PCDHB12: variants seen among roughly 807,000 people sequenced by gnomAD.
PCDHB12 encodes the protein protocadherin beta 12.
For synonymous variants in PCDHB12, 560 were observed against 445.2 expected (o/e 1.26, Z -3.24); for missense variants, 1,192 against 998.2 (o/e 1.19, Z -2.62).
Position 141,209,722 on chromosome 5 carries a change from GAACA to G in PCDHB12, c.820_823del (p.Asn274ValfsTer29), listed in dbSNP as rs782467101. On this transcript the variant is annotated frameshift_variant, in exon 1 of 1. Transcript: ENST00000239450. LOFTEE classifies it low-confidence loss of function (END_TRUNC). ...GTCTCAGCCTGGGATTTAGACTCTG[GAACA>G]AACAGTGAACTATCCTATACCTTTT... 15 of 1,614,042 alleles carry G rather than the reference GAACA, an allele frequency of 9.3e-6. No individual in the cohort carries two copies. In the East Asian group the frequency reaches 2.5e-4, roughly 26 times the overall value.
At position 141,211,079 on chromosome 5, in the gene PCDHB12, C is replaced by G; in HGVS notation, c.2172C>G (p.Arg724=). 6.2e-7 allele frequency: 1 copy of G among 1,613,738 alleles called. No homozygotes were observed. The highest frequency in any genetic ancestry group is 2.2e-5 in the East Asian group (1 of 44,870). The change falls in exon 1 of 1, where the codon CGC becomes CGG. Residue 724 remains arginine, a synonymous_variant. Transcript: ENST00000239450. ...CRRSRAAPVG[R]CSVPEGPFPG... ...GGAGCAGGGCGGCCCCGGTCGGTCG[C>G]TGCTCGGTGCCTGAGGGCCCCTTTC...
In PCDHB12 at chr5:141,209,274, G is replaced by C. The variant is rs1247115060; in HGVS notation, c.367G>C (p.Val123Leu). The C allele has an allele frequency of 4.3e-6, 7 of 1,614,048 alleles. No individual in the cohort carries two copies. Among genetic ancestry groups the C allele is most frequent in the Non-Finnish European group, 5.9e-6 (7 of 1,180,052 alleles). ...GCAGTTTTTACAAATTGAGCTCCAG[G>C]TCAGGGATATAAATGATCACTCTCC... is the stretch of plus-strand genomic sequence containing the variant. ...PTQFLQIELQ[V>L]RDINDHSPVF... is the part of the protein sequence containing the mutation. The change falls in exon 1 of 1, where the codon GTC (valine) becomes CTC (leucine). Residue 123 changes from valine (V) to leucine (L), a missense_variant. Val to Leu is a conservative substitution (Grantham distance 32, BLOSUM62 1). Coordinates refer to ENST00000239450, the MANE Select transcript of PCDHB12 (RefSeq NM_018932.4).
At position 141,210,845 on chromosome 5, in the gene PCDHB12, C is replaced by A; in HGVS notation, c.1938C>A (p.Asp646Glu). 6.2e-7 allele frequency: 1 copy of A among 1,602,462 alleles called. No individual in the cohort carries two copies. The highest frequency in any genetic ancestry group is 8.5e-7 in the Non-Finnish European group (1 of 1,179,080). The part of the protein sequence containing the change: ...AKHRLVVLVK[D>E]NGEPPRSATA... ...ACAGGCTGGTGGTGCTGGTCAAGGA[C>A]AATGGCGAGCCTCCGCGCTCGGCCA... Residue 646 changes from aspartate to glutamate, a missense_variant, in exon 1 of 1, where the codon GAC becomes GAA. Coordinates refer to ENST00000239450, the MANE Select transcript of PCDHB12 (RefSeq NM_018932.4).
In PCDHB12 at chr5:141,210,316, T is replaced by G; in HGVS notation, c.1409T>G (p.Ile470Ser). The G allele has an allele frequency of 3.1e-6, 5 of 1,613,264 alleles. No individual in the cohort carries two copies. The highest frequency in any genetic ancestry group is 4.2e-6 in the Non-Finnish European group (5 of 1,180,004). Residue 470 changes from isoleucine (I) to serine (S), a missense_variant, in exon 1 of 1, where the codon ATC (isoleucine) becomes AGC (serine). Physicochemically the swap from Ile to Ser is moderately radical, Grantham distance 142 (BLOSUM62 -2). Coordinates refer to ENST00000239450, the MANE Select transcript of PCDHB12 (RefSeq NM_018932.4). ...GAGAACAACAGCCCCGCCCTGCACA[T>G]CGGCAGCATCAGCGCCACAGACAGA... ...VRENNSPALH[I>S]GSISATDRDS...
chr5:141,209,677 T>C lies in PCDHB12; in HGVS notation c.770T>C (p.Leu257Pro). 1.2e-6 allele frequency: 2 copies of C among 1,614,222 alleles called. No individual in the cohort carries two copies. The highest frequency in any genetic ancestry group is 1.7e-6 in the Non-Finnish European group (2 of 1,180,046). ...GTGAAGATTCTGGAGAATAGCATCC[T>C]TGGCTCCCTGGTTGTGACCGTCTCA... is the stretch of plus-strand genomic sequence containing the variant. ...YEVKILENSI[L>P]GSLVVTVSAW... is the part of the protein sequence containing the mutation. Residue 257 changes from leucine to proline, a missense_variant, in exon 1 of 1, where the codon CTT (leucine) becomes CCT (proline). Transcript: ENST00000239450.
At position 141,211,035 on chromosome 5, in the gene PCDHB12, G is replaced by A. The variant is rs373977049; in HGVS notation, c.2128G>A (p.Ala710Thr). ...CCTCTTCTCGGTGCTCCTGTTCGTG[G>A]CGGTGCGGCTGTGCAGGAGGAGCAG... ...LFLFSVLLFVAVRLCRRSRAA... is the reference protein window; with the variant it reads ...LFLFSVLLFVTVRLCRRSRAA... The change falls in exon 1 of 1, where the codon GCG becomes ACG. Residue 710 changes from alanine (A) to threonine (T), a missense_variant. Physicochemically the swap from Ala to Thr is moderately conservative, Grantham distance 58. Transcript: ENST00000239450. The A allele has an allele frequency of 8.1e-6, 13 of 1,612,428 alleles. No homozygotes were observed. In the African/African-American group the frequency reaches 1.3e-4, roughly 17 times the overall value.
At position 141,210,377 on chromosome 5, in the gene PCDHB12, G is replaced by A. The variant is rs2149679008; in HGVS notation, c.1470G>A (p.Leu490=). The stretch of plus-strand genomic sequence containing the variant: ...CCAACGCCCAGGTCAACTACTCGCT[G>A]CTGCCGTCCCAGGACCCGCACCTGC... ...SGTNAQVNYS[L]LPSQDPHLPL... The change falls in exon 1 of 1, where the codon CTG becomes CTA. Residue 490 remains leucine, a synonymous_variant. Coordinates refer to ENST00000239450, the MANE Select transcript of PCDHB12 (RefSeq NM_018932.4). The A allele has an allele frequency of 6.2e-7, 1 of 1,613,016 alleles. No individual in the cohort carries two copies.
Position 141,212,512 on chromosome 5 carries a change from T to G in PCDHB12, c.*1217T>G, listed in dbSNP as rs560220874. 6.6e-6 allele frequency: 1 copy of G among 152,310 alleles called. No individual in the cohort carries two copies. 9.4% of individuals were successfully genotyped at this position (152,310 alleles called of 1,614,324 possible). A position where few individuals can be genotyped will look rare whatever the true frequency, so the allele number is the denominator to read the frequency against. ...TTAAAATAGGTAATTTTTGCATAGT[T>G]GTGTTCTAAATATATTATAAACTAG... On this transcript the variant is annotated 3_prime_UTR_variant, in exon 1 of 1. Coordinates refer to ENST00000239450, the MANE Select transcript of PCDHB12 (RefSeq NM_018932.4).
rs782720205 is a variant in PCDHB12 at position 141,209,338 on chromosome 5, A to G, written c.431A>G (p.Glu144Gly). The part of the protein sequence containing the change: ...LEKEMLLEIP[E>G]NSPVGAVFLL... ...AAAGAAATGCTCTTAGAAATCCCAG[A>G]GAACAGTCCTGTTGGTGCTGTGTTC... The change falls in exon 1 of 1, where the codon GAG (glutamate) becomes GGG (glycine). Residue 144 changes from glutamate (E) to glycine (G), a missense_variant. By Grantham distance (98) the Glu-to-Gly change is moderately conservative. Transcript: ENST00000239450. 1.2e-6 allele frequency: 2 copies of G among 1,614,236 alleles called. No homozygotes were observed. The highest frequency in any genetic ancestry group is 2.2e-5 in the South Asian group (2 of 91,084).
rs558923418 is a variant in PCDHB12, at chr5:141,209,465, A to G, written c.558A>G (p.Pro186=). Residue 186 remains proline (P), a synonymous_variant, in exon 1 of 1, where the codon CCA becomes CCG. Transcript: ENST00000239450. ...TCCACGTTAAAATAAGAGTCAATCC[A>G]GACAATAGGAAATACCCTGAGTTAG... ...SHFHVKIRVN[P]DNRKYPELVL... is the part of the protein sequence containing the mutation. 7 of 1,614,214 alleles carry G rather than the reference A, an allele frequency of 4.3e-6. No individual in the cohort carries two copies. In the African/African-American group the frequency reaches 9.3e-5, roughly 22 times the overall value.
In PCDHB12 at chr5:141,208,823, A is replaced by T; in HGVS notation, c.-85A>T. On this transcript the variant is annotated 5_prime_UTR_variant, in exon 1 of 1. Transcript: ENST00000239450. ...CTTCAGGCTTCCGAGGATTTGGTAG[A>T]CAGATCAGAGGCACGTTTCCCACAA... 8.2e-7 allele frequency: 1 copy of T among 1,216,422 alleles called. No homozygotes were observed. The highest frequency in any genetic ancestry group is 1.1e-6 in the Non-Finnish European group (1 of 872,986). The allele number at this position is 1,216,422 out of a possible 1,614,324, so 75.4% of individuals were successfully genotyped here.
chr5:141,210,073 T>G lies in PCDHB12; in HGVS notation c.1166T>G (p.Ile389Ser), dbSNP rs1165087786. ...ATGGTTTGTTCTATCCCGGAGGACA[T>G]CCCATTCGTGCTAAAATCTTCGGTA... is the stretch of plus-strand genomic sequence containing the variant. ...GKMVCSIPED[I>S]PFVLKSSVNN... The change falls in exon 1 of 1, where the codon ATC (isoleucine) becomes AGC (serine). Residue 389 changes from isoleucine to serine, a missense_variant. Transcript: ENST00000239450. 19 of 1,614,020 alleles carry G rather than the reference T, an allele frequency of 1.2e-5. No individual in the cohort carries two copies. The highest frequency in any genetic ancestry group is 1.6e-5 in the Non-Finnish European group (19 of 1,180,040).
At position 141,210,786 on chromosome 5, in the gene PCDHB12, G is replaced by T. The variant is rs782361618; in HGVS notation, c.1879G>T (p.Ala627Ser). Residue 627 changes from alanine (A) to serine (S), a missense_variant, in exon 1 of 1, where the codon GCC becomes TCC. Transcript: ENST00000239450. ...GGCGCACAATGGCGAGGTGCGCACC[G>T]CCAGGCTGCTGAGCGAGCGCGACGC... Reference protein sequence around the residue: ...VWAHNGEVRTARLLSERDAAK... With the variant: ...VWAHNGEVRTSRLLSERDAAK... The T allele has an allele frequency of 5.9e-5, 95 of 1,600,196 alleles. No homozygotes were observed. Among genetic ancestry groups the T allele is most frequent in the Admixed American group, 8.4e-5 (5 of 59,838 alleles).
rs782493872 is a variant in PCDHB12 at position 141,209,194 on chromosome 5, G to A, written c.287G>A (p.Cys96Tyr). The A allele has an allele frequency of 3.1e-6, 5 of 1,614,072 alleles. No individual in the cohort carries two copies. Among genetic ancestry groups the A allele is most frequent in the Admixed American group, 1.7e-5 (1 of 60,000 alleles). ...GAAATGCTAGACAGGGAGGAGCTCT[G>A]TGGCTCCAATGAGCCTTGTGTGCTG... is the stretch of plus-strand genomic sequence containing the variant. ...LREMLDREEL[C>Y]GSNEPCVLYF... Residue 96 changes from cysteine (C) to tyrosine (Y), a missense_variant, in exon 1 of 1, where the codon TGT (cysteine) becomes TAT (tyrosine). Coordinates refer to ENST00000239450, the MANE Select transcript of PCDHB12 (RefSeq NM_018932.4).
chr5:141,211,181 C>T lies in PCDHB12; in HGVS notation c.2274C>T (p.Gly758=). 6.2e-7 allele frequency: 1 copy of T among 1,614,202 alleles called. No individual in the cohort carries two copies. The highest frequency in any genetic ancestry group is 8.5e-7 in the Non-Finnish European group (1 of 1,180,012). ...SYHYEVCVTG[G]SRSNKFKFLK... is the part of the protein sequence containing the mutation. ...ACTATGAGGTGTGTGTGACTGGAGG[C>T]TCCAGGTCAAATAAGTTCAAATTTC... Residue 758 remains glycine, a synonymous_variant, in exon 1 of 1, where the codon GGC becomes GGT. Coordinates refer to ENST00000239450, the MANE Select transcript of PCDHB12 (RefSeq NM_018932.4).
Position 141,211,154 on chromosome 5 carries a change from C to T in PCDHB12, c.2247C>T (p.Tyr749=). ...GCACCGGGACCCTGTCCCAGAGCTA[C>T]CACTATGAGGTGTGTGTGACTGGAG... ...VSGTGTLSQS[Y]HYEVCVTGGS... The change falls in exon 1 of 1, where the codon TAC becomes TAT. Residue 749 remains tyrosine, a synonymous_variant. Coordinates refer to ENST00000239450, the MANE Select transcript of PCDHB12 (RefSeq NM_018932.4). 4.3e-6 allele frequency: 7 copies of T among 1,614,168 alleles called. No individual in the cohort carries two copies. Among genetic ancestry groups the T allele is most frequent in the Non-Finnish European group, 5.9e-6 (7 of 1,180,028 alleles).
Position 141,209,583 on chromosome 5 carries a change from G to T in PCDHB12, c.676G>T (p.Ala226Ser). ...DGGSPPRSGT[A>S]LVRVVVVDIN... ...CGGGTCCCCTCCCAGGTCTGGAACT[G>T]CCTTGGTCAGGGTGGTGGTTGTAGA... is the stretch of plus-strand genomic sequence containing the variant. Residue 226 changes from alanine to serine, a missense_variant, in exon 1 of 1, where the codon GCC becomes TCC. Physicochemically the swap from Ala to Ser is moderately conservative, Grantham distance 99. Transcript: ENST00000239450. 6.2e-7 allele frequency: 1 copy of T among 1,614,162 alleles called. No individual in the cohort carries two copies. Among genetic ancestry groups the T allele is most frequent in the East Asian group, 2.2e-5 (1 of 44,872 alleles).
rs1388367550 is a variant in PCDHB12, at chr5:141,211,163, GGT to G, written c.2264_2265del (p.Val755AspfsTer8). On this transcript the variant is annotated frameshift_variant, in exon 1 of 1. Coordinates refer to ENST00000239450, the MANE Select transcript of PCDHB12 (RefSeq NM_018932.4). LOFTEE classifies it low-confidence loss of function (END_TRUNC). ...GTLSQSYHYE[V>X]CVTGGSRSNK... ...CCCTGTCCCAGAGCTACCACTATGAGGTGTGTGTGACTGGAGGCTCCAGGTCA... is the reference window on the plus strand; with the variant it reads ...CCCTGTCCCAGAGCTACCACTATGAGGTGTGTGACTGGAGGCTCCAGGTCA... 3 of 1,614,026 alleles carry G rather than the reference GGT, an allele frequency of 1.9e-6. No individual in the cohort carries two copies. Among genetic ancestry groups the G allele is most frequent in the Admixed American group, 1.7e-5 (1 of 60,008 alleles).
Position 141,208,973 on chromosome 5 carries a change from A to T in PCDHB12, c.66A>T (p.Gly22=), listed in dbSNP as rs143158914. ...TCCTGCTTTTCTTTGTTTTGCTGGGAATGTCTCAGGCGGGCTCTGAAACTG... is the reference window on the plus strand; with the variant it reads ...TCCTGCTTTTCTTTGTTTTGCTGGGTATGTCTCAGGCGGGCTCTGAAACTG... ...RQVLLFFVLL[G]MSQAGSETGN... The change falls in exon 1 of 1, where the codon GGA becomes GGT. Residue 22 remains glycine (G), a synonymous_variant. Transcript: ENST00000239450. 3.7e-5 allele frequency: 59 copies of T among 1,578,944 alleles called. No homozygotes were observed. The Middle Eastern group carries it at 8.5e-4, about 23-fold the overall frequency.
Sources: gnomAD v4.1 joint callset for allele counts on GRCh38, gnomAD v4.1.1 for gene constraint, MANE v1.5 for transcripts, NCBI Gene and HGNC (gene_info 2026-07-23, HGNC 2026-07-21) for gene names.